DOP1B: variants seen among roughly 807,000 people sequenced by gnomAD.
DOP1B encodes the protein protein DOP1B.
A neutral mutation model predicts 233.5 loss-of-function variants in DOP1B; 174 were observed. The observed-to-expected ratio is 0.75, with a 90% CI of 0.66 to 0.85. DOP1B has a LOEUF of 0.85. Ranked by LOEUF, DOP1B falls within the 40% of genes least tolerant of loss-of-function variation. The probability of loss-of-function intolerance (pLI) is 0.00; values close to 1 mark genes in which losing one functional copy is unlikely to be tolerated. For missense variants in DOP1B, 2,652 were observed against 2,846.6 expected (o/e 0.93, Z 1.56); for synonymous variants, 1,190 against 1,185.6 (o/e 1.00, Z -0.08).
chr21:36,159,232 A>T (rs201407453), intron 1 of DOP1B, among the ~76,000 whole-genome samples: 2 of 152,196 alleles, frequency 1.3e-5, no homozygotes, highest in East Asian at 3.9e-4. Flanking sequence ...TGGGTGGATC[A>T]CTTGAGGTTG....
intron 23 of DOP1B, among the ~76,000 whole-genome samples, chr21:36,260,194 GA>G (rs2123633862): frequency 7.4e-6 from 1 of 135,308 alleles, no homozygotes; most frequent in Non-Finnish European, 1.6e-5. Context: ...TGCAAAGAAA[GA>G]AAAAGGAAAG....
At chr21:36,263,453 C>T (rs1336525085) in intron 24 of DOP1B, 93 bp from the exon 25 acceptor site, 2 of 1,132,498 alleles carry the variant, frequency 1.8e-6, no homozygotes, top group African/African-American at 1.6e-5. Flanking sequence ...TTACCCTTTG[C>T]TTTCCAACTG....
intron 8 of DOP1B, 82 bp from the exon 9 acceptor site, chr21:36,214,360 A>G (rs992311354): frequency 1.4e-6 from 2 of 1,426,504 alleles, no homozygotes; most frequent in Non-Finnish European, 1.9e-6. Context: ...GTCCCAGAGT[A>G]TTTAACAATT....
At position 36,235,264 on chromosome 21, in the gene DOP1B, C is replaced by A. The variant is rs533838757; in HGVS notation, c.2623-1998C>A. On this transcript the variant is annotated intron_variant, in intron 15 of 36. Coordinates refer to ENST00000691173, the MANE Select transcript of DOP1B (RefSeq NM_001320714.2). ...TCTGATCTTTCAGCCTTTTTTTAAT[C>A]CTGCGGGAACAGCTCACATACCAGA... is the stretch of plus-strand genomic sequence containing the variant. 4.5e-4 allele frequency among the ~76,000 whole-genome samples: 68 copies of A among 152,114 alleles called. 3 individuals carry two copies. The South Asian group carries it at 0.014, about 32-fold the overall frequency.
In DOP1B at chr21:36,289,097, C is replaced by A. The variant is rs148107750; in HGVS notation, c.6406C>A (p.Pro2136Thr). Residue 2136 changes from proline to threonine, a missense_variant, in exon 35 of 37, where the codon CCC becomes ACC. Transcript: ENST00000691173. ...AGTTTCAGTCCCGGATGCAAATGGACCCTCAGTGGGGGAGATACCCCAGAG... is the reference window on the plus strand; with the variant it reads ...AGTTTCAGTCCCGGATGCAAATGGAACCTCAGTGGGGGAGATACCCCAGAG... ...TKVSVPDANGPSVGEIPQSEL... is the reference protein window; with the variant it reads ...TKVSVPDANGTSVGEIPQSEL... 28 of 1,613,866 alleles carry A rather than the reference C, an allele frequency of 1.7e-5. No homozygotes were observed. In the African/African-American group the frequency reaches 2.4e-4, roughly 14 times the overall value.
rs140566405 is a variant in DOP1B, at chr21:36,258,845, C to T, written c.5260-1832C>T. Among the ~76,000 whole-genome samples, 27 of 152,276 alleles carry T rather than the reference C, an allele frequency of 1.8e-4. No individual in the cohort carries two copies. The East Asian group carries it at 2.9e-3, about 16-fold the overall frequency. On this transcript the variant is annotated intron_variant, in intron 23 of 36. Transcript: ENST00000691173. ...AGCACTGCGAGGCCAGGTTATGGAG[C>T]GAGCTCAGTCAGTGCTTAAGGCTTC...
intron 1 of DOP1B, among the ~76,000 whole-genome samples, chr21:36,158,436 T>C (rs1457639710): frequency 6.6e-6 from 1 of 152,156 alleles, no homozygotes; most frequent in Non-Finnish European, 1.5e-5. Flanking sequence ...CCTGGGCAAT[T>C]TTCCGAATGG....
intron 2 of DOP1B, among the ~76,000 whole-genome samples, chr21:36,171,913 C>T (rs116437772): frequency 0.014 from 2,112 of 152,226 alleles, 50 homozygotes; most frequent in African/African-American, 0.048. Flanking sequence ...GAGAGACAGA[C>T]GACAGATGAC....
chr21:36,196,982 G>T (rs951153494), intron 2 of DOP1B, among the ~76,000 whole-genome samples: 3 of 149,600 alleles, frequency 2.0e-5, no homozygotes, highest in African/African-American at 7.4e-5. Context: ...TCACCCTGTC[G>T]CCCAGGCTAG....
intron 31 of DOP1B, among the ~76,000 whole-genome samples, chr21:36,281,237 A>G (rs557255110): frequency 6.6e-6 from 1 of 152,354 alleles, no homozygotes; most frequent in African/African-American, 2.4e-5. Context: ...TCGAGGCCGC[A>G]GTGAGCTGTG....
At position 36,211,595 on chromosome 21, in the gene DOP1B, G is replaced by C; in HGVS notation, c.724G>C (p.Val242Leu). 4 of 1,614,182 alleles carry C rather than the reference G, an allele frequency of 2.5e-6. No homozygotes were observed. In the South Asian group the frequency reaches 4.4e-5, roughly 18 times the overall value. Reference sequence around the variant, plus strand: ...CTCCCTGTTGGACTCAAATGTTCTTGTGCAAAGAAATAATCTGGAAATCGT... The same window carrying C: ...CTCCCTGTTGGACTCAAATGTTCTTCTGCAAAGAAATAATCTGGAAATCGT... ...RASLLDSNVL[V>L]QRNNLEIVLF... is the part of the protein sequence containing the mutation. The change falls in exon 6 of 37, where the codon GTG becomes CTG. Residue 242 changes from valine to leucine, a missense_variant. Physicochemically the swap from Val to Leu is conservative, Grantham distance 32. This residue lies in a region of DOP1B where 2,617 missense variants were observed against 2,794.3 expected (regional missense o/e 0.94). Transcript: ENST00000691173.
intron 26 of DOP1B, among the ~76,000 whole-genome samples, chr21:36,265,475 T>C (rs2067220486): frequency 6.6e-6 from 1 of 152,220 alleles, no homozygotes; most frequent in Non-Finnish European, 1.5e-5. Context: ...GGCCTTGACT[T>C]GTAGCCAGAG....
chr21:36,284,214 T>G (rs1486568628), intron 32 of DOP1B, among the ~76,000 whole-genome samples: 1 of 150,818 alleles, frequency 6.6e-6, no homozygotes, highest in African/African-American at 2.4e-5. Flanking sequence ...CCTCCCAAAG[T>G]GCTGGGATTA....
At chr21:36,161,107 G>A (rs13046990) in intron 1 of DOP1B, among the ~76,000 whole-genome samples, 6,634 of 150,990 alleles carry the variant, frequency 0.044, 190 homozygotes, top group Non-Finnish European at 0.064. Context: ...ATGTTGAGCA[G>A]ATGGAATTGA....
chr21:36,206,625 G>A (rs2066428633), intron 4 of DOP1B, among the ~76,000 whole-genome samples: 2 of 152,164 alleles, frequency 1.3e-5, no homozygotes, highest in Admixed American at 1.3e-4. Context: ...CATACTTTTT[G>A]AGGGTGGAAC....
chr21:36,227,405 G>T lies in DOP1B; in HGVS notation c.1474-281G>T, dbSNP rs557316320. 2.1e-4 allele frequency among the ~76,000 whole-genome samples: 32 copies of T among 151,200 alleles called. No individual in the cohort carries two copies. The East Asian group carries it at 4.7e-3, about 22-fold the overall frequency. ...TACTAAACATACAAAAAATTAGCCG[G>T]GCGTGGTGGTGGGCACCTGTAGTCC... On this transcript the variant is annotated intron_variant, in intron 12 of 36. Transcript: ENST00000691173.
chr21:36,208,161 G>C (rs952044006), intron 4 of DOP1B, among the ~76,000 whole-genome samples: 1 of 152,200 alleles, frequency 6.6e-6, no homozygotes, highest in African/African-American at 2.4e-5. Context: ...CCAGGCTGAT[G>C]GAATTTGCAG....
chr21:36,264,931 T>C (rs1305632832), intron 26 of DOP1B, among the ~76,000 whole-genome samples: 1 of 152,166 alleles, frequency 6.6e-6, no homozygotes, highest in African/African-American at 2.4e-5. Context: ...TATGATGAAG[T>C]TGGAAAAATC....
chr21:36,169,955 T>C (rs2123403279), intron 2 of DOP1B: 2 of 768,322 alleles, frequency 2.6e-6, no homozygotes, highest in Non-Finnish European at 2.4e-6. Flanking sequence ...ACAGTAGTCA[T>C]GGCCTCTACC....
Sources: allele counts gnomAD v4.1 joint callset (sites outside exome capture counted in the v4.1 genomes callset), GRCh38; gene constraint gnomAD v4.1.1; regional missense constraint gnomAD v4.1.1; transcripts MANE v1.5; gene names NCBI Gene and HGNC (gene_info 2026-07-23, HGNC 2026-07-21).